The following GSDMA variants were observed in gnomAD, a reference collection of about 807,000 sequenced individuals.
The protein encoded by GSDMA is gasdermin A.
A neutral mutation model predicts 54.3 loss-of-function variants in GSDMA; 55 were observed. The ratio of observed to expected loss-of-function variants is 1.01; its 90% CI spans 0.82 to 1.27. The LOEUF is 1.27. Among genes scored for constraint, GSDMA ranks in the 50% most tolerant of loss-of-function variants. The pLI is 0.00. For synonymous variants in GSDMA, 211 were observed against 224.7 expected (o/e 0.94, Z 0.54); for missense variants, 542 against 542.6 (o/e 1.00, Z 0.01).
rs181763039 is a variant in GSDMA at position 39,976,371 on chromosome 17, C to T, written c.1095+374C>T. Among the ~76,000 whole-genome samples, 758 of 151,784 alleles carry T rather than the reference C, an allele frequency of 5.0e-3. 4 individuals carry two copies. The Middle Eastern group carries it at 0.065, about 13-fold the overall frequency. ...TTGGCTCACCACAACCTCCGCCTCC[C>T]GGGTTCAAGCGATTCTCCTGCCTCA... On this transcript the variant is annotated intron_variant, in intron 11 of 11. Coordinates refer to ENST00000301659, the MANE Select transcript of GSDMA (RefSeq NM_178171.5).
At chr17:39,969,711 G>A (rs887002722) in intron 3 of GSDMA, among the ~76,000 whole-genome samples, 31 of 152,062 alleles carry the variant, frequency 2.0e-4, no homozygotes, top group African/African-American at 4.3e-4. Flanking sequence ...TAGGTGGACC[G>A]GGCATGGTGG....
intron 2 of GSDMA, 55 bp downstream of exon 2, chr17:39,965,956 A>C: frequency 6.8e-7 from 1 of 1,480,788 alleles, no homozygotes; most frequent in Non-Finnish European, 9.2e-7. Flanking sequence ...GGGGCTGGGC[A>C]CCTGGCCTGC....
chr17:39,976,041 T>A (rs1223785858), intron 11 of GSDMA, 44 bp downstream of exon 11: 5 of 1,435,402 alleles, frequency 3.5e-6, no homozygotes, highest in Non-Finnish European at 3.8e-6. Context: ...TGGGAGTAGC[T>A]GCAGCCAGTG....
At chr17:39,963,869 A>G (rs1979519644) in intron 1 of GSDMA, among the ~76,000 whole-genome samples, 1 of 152,046 alleles carries the variant, frequency 6.6e-6, no homozygotes, top group Non-Finnish European at 1.5e-5. Context: ...AGAAAAAAAA[A>G]ATGTTGCCTC....
At chr17:39,968,802 G>T (rs1207727940) in intron 3 of GSDMA, among the ~76,000 whole-genome samples, 1 of 152,144 alleles carries the variant, frequency 6.6e-6, no homozygotes, top group African/African-American at 2.4e-5. Context: ...TGAGGGAAAG[G>T]GTTTTGTCAA....
rs780092053 is a variant in GSDMA at position 39,972,109 on chromosome 17, C to G, written c.656-20C>G. 13 of 1,111,946 alleles carry G rather than the reference C, an allele frequency of 1.2e-5. 2 individuals carry two copies. The highest frequency in any genetic ancestry group is 1.6e-5 in the Non-Finnish European group (12 of 735,782). The allele number at this position is 1,111,946 out of a possible 1,614,324, so 68.9% of individuals were successfully genotyped here. A position where few individuals can be genotyped will look rare whatever the true frequency, so the allele number is the denominator to read the frequency against. On this transcript the variant is annotated intron_variant, in intron 5 of 11. Transcript: ENST00000301659. ...CAGCTGCTAAGTGTCCTCCCACCCT[C>G]CCTCCCTTGCCCTTCACAGATATTC... is the stretch of plus-strand genomic sequence containing the variant.
chr17:39,966,334 A>G lies in GSDMA; in HGVS notation c.289A>G (p.Lys97Glu). ...AGTGGAGGGAGATGTGGATGTACCA[A>G]AGACGGTGAAGGTGAAGGGAACGGC... ...TRVEGDVDVP[K>E]TVKVKGTAGL... The change falls in exon 3 of 12, where the codon AAG (lysine) becomes GAG (glutamate). Residue 97 changes from lysine to glutamate, a missense_variant. Physicochemically the swap from Lys to Glu is moderately conservative, Grantham distance 56 (BLOSUM62 1). Transcript: ENST00000301659. 1 of 1,613,974 alleles carries G rather than the reference A, an allele frequency of 6.2e-7. No individual in the cohort carries two copies. The highest frequency in any genetic ancestry group is 2.2e-5 in the East Asian group (1 of 44,886).
intron 11 of GSDMA, among the ~76,000 whole-genome samples, chr17:39,976,264 T>C (rs1980194354): frequency 7.1e-6 from 1 of 140,728 alleles, no homozygotes; most frequent in Non-Finnish European, 1.5e-5. Flanking sequence ...CCTAGCCAAA[T>C]ATTGTAAGCA....
Position 39,974,294 on chromosome 17 carries a change from G to T in GSDMA, c.773G>T (p.Arg258Met). The T allele has an allele frequency of 6.2e-7, 1 of 1,611,494 alleles. No individual in the cohort carries two copies. The highest frequency in any genetic ancestry group is 8.5e-7 in the Non-Finnish European group (1 of 1,178,936). The change falls in exon 9 of 12, where the codon AGG (arginine) becomes ATG (methionine). Residue 258 changes from arginine (R) to methionine (M), a missense_variant. By Grantham distance (91) the Arg-to-Met change is moderately conservative. Transcript: ENST00000301659. ...SDVGDVHEGF[R>M]TLKEEVQRET... ...ATAGGGGACGTACACGAAGGCTTCAGGACACTAAAAGAAGAAGTTCAGAGA... is the reference window on the plus strand; with the variant it reads ...ATAGGGGACGTACACGAAGGCTTCATGACACTAAAAGAAGAAGTTCAGAGA...
intron 1 of GSDMA, among the ~76,000 whole-genome samples, chr17:39,965,298 GAA>G (rs1203586655): frequency 8.2e-5 from 10 of 121,948 alleles, no homozygotes; most frequent in South Asian, 5.0e-4. Context: ...AAGAAAGAAA[GAA>G]AGAGAAATAA....
In GSDMA at chr17:39,974,439, G is replaced by C. The variant is rs374223801; in HGVS notation, c.906+12G>C. The C allele has an allele frequency of 5.7e-6, 9 of 1,565,302 alleles. No homozygotes were observed. Among genetic ancestry groups the C allele is most frequent in the Non-Finnish European group, 7.8e-6 (9 of 1,155,030 alleles). On this transcript the variant is annotated intron_variant, in intron 9 of 11. Transcript: ENST00000301659. ...ACCTTGAGCTCGCAGTGAGGACCTA[G>C]TGGAAGTGGGGAAGGGTGGGAGAAG...
At chr17:39,964,149 C>T (rs1415092819) in intron 1 of GSDMA, among the ~76,000 whole-genome samples, 1 of 152,114 alleles carries the variant, frequency 6.6e-6, no homozygotes, top group East Asian at 1.9e-4. Flanking sequence ...TCACCAGCTG[C>T]CTGGAGGACT....
In GSDMA at chr17:39,972,195, G is replaced by C. The variant is rs201250126; in HGVS notation, c.703+19G>C. On this transcript the variant is annotated intron_variant, in intron 6 of 11. Coordinates refer to ENST00000301659, the MANE Select transcript of GSDMA (RefSeq NM_178171.5). ...CCTGGAGGTAAGTGAAATTGCTTACGGGCTTCCCACATCTTCCGCCCTACC... is the reference window on the plus strand; with the variant it reads ...CCTGGAGGTAAGTGAAATTGCTTACCGGCTTCCCACATCTTCCGCCCTACC... 1.9e-6 allele frequency: 3 copies of C among 1,542,478 alleles called. No homozygotes were observed. The highest frequency in any genetic ancestry group is 2.8e-5 in the African/African-American group (2 of 72,564).
At chr17:39,973,264 C>G (rs1240044205) in intron 7 of GSDMA, among the ~76,000 whole-genome samples, 1 of 133,866 alleles carries the variant, frequency 7.5e-6, no homozygotes, top group Admixed American at 7.5e-5. Flanking sequence ...TGAGCCACGG[C>G]GCCTGGCCTT....
chr17:39,970,144 G>T (rs977997019), intron 3 of GSDMA, among the ~76,000 whole-genome samples: 5 of 152,008 alleles, frequency 3.3e-5, no homozygotes, highest in Admixed American at 3.3e-4. Flanking sequence ...GAAAGAGGGG[G>T]GGAGCATCTA....
Position 39,966,670 on chromosome 17 carries a change from G to A in GSDMA, c.392+233G>A, listed in dbSNP as rs548015492. On this transcript the variant is annotated intron_variant, in intron 3 of 11. Transcript: ENST00000301659. Reference sequence around the variant, plus strand: ...TCCAGGACCACCTCCCCACTGTCACGCATGCACAGGGAAGATGATGTCCAC... The same window carrying A: ...TCCAGGACCACCTCCCCACTGTCACACATGCACAGGGAAGATGATGTCCAC... Among the ~76,000 whole-genome samples, 28 of 152,272 alleles carry A rather than the reference G, an allele frequency of 1.8e-4. No individual in the cohort carries two copies. The East Asian group carries it at 4.4e-3, about 24-fold the overall frequency.
chr17:39,972,120 C>A lies in GSDMA; in HGVS notation c.656-9C>A. 1.5e-6 allele frequency: 2 copies of A among 1,362,968 alleles called. No homozygotes were observed. The highest frequency in any genetic ancestry group is 1.4e-5 in the African/African-American group (1 of 69,734). 84.4% of individuals were successfully genotyped at this position (1,362,968 alleles called of 1,614,324 possible). A position where few individuals can be genotyped will look rare whatever the true frequency, so the allele number is the denominator to read the frequency against. ...TGTCCTCCCACCCTCCCTCCCTTGCCCTTCACAGATATTCCACATATCTGC... is the reference window on the plus strand; with the variant it reads ...TGTCCTCCCACCCTCCCTCCCTTGCACTTCACAGATATTCCACATATCTGC... On this transcript the variant is annotated splice_polypyrimidine_tract_variant and intron_variant, in intron 5 of 11. Coordinates refer to ENST00000301659, the MANE Select transcript of GSDMA (RefSeq NM_178171.5).
Position 39,977,296 on chromosome 17 carries a change from T to C in GSDMA, c.*238T>C, listed in dbSNP as rs1221752677. On this transcript the variant is annotated 3_prime_UTR_variant, in exon 12 of 12. Coordinates refer to ENST00000301659, the MANE Select transcript of GSDMA (RefSeq NM_178171.5). ...AATTTTCTTTACTTTTCTTTTCTTT[T>C]TTTTTTTTTTTTTGAGATGGAGGCT... 2.1e-4 allele frequency: 71 copies of C among 336,052 alleles called. No homozygotes were observed. In the East Asian group the frequency reaches 3.6e-3, roughly 17 times the overall value. 20.8% of individuals were successfully genotyped at this position (336,052 alleles called of 1,614,324 possible).
chr17:39,975,823 C>A, intron 10 of GSDMA, 101 bp from the exon 11 acceptor site: 1 of 855,296 alleles, frequency 1.2e-6, no homozygotes, highest in Non-Finnish European at 1.9e-6. Context: ...GTTGTAATTA[C>A]ATCCAATGAA....
Sources: gnomAD v4.1 joint callset for allele counts (sites outside exome capture counted in the v4.1 genomes callset) on GRCh38, gnomAD v4.1.1 for gene constraint, MANE v1.5 for transcripts, NCBI Gene and HGNC (gene_info 2026-07-23, HGNC 2026-07-21) for gene names.